WHRN: variants seen among roughly 807,000 people sequenced by gnomAD.
WHRN encodes the protein CASK-interacting protein CIP98.
A neutral mutation model predicts 68.3 loss-of-function variants in WHRN; 41 were observed. The observed-to-expected ratio is 0.60, with a 90% CI of 0.47 to 0.78. The LOEUF is 0.78. Among genes scored for constraint, WHRN ranks in the 30% least tolerant of loss-of-function variants. The probability of loss-of-function intolerance (pLI) is 0.00; values close to 1 mark genes in which losing one functional copy is unlikely to be tolerated. For synonymous variants in WHRN, 560 were observed against 561.3 expected (o/e 1.00, Z 0.03); for missense variants, 1,243 against 1,244.7 (o/e 1.00, Z 0.02).
chr9:114,486,884 TAGTGTGTGTGTGTG>T (rs1323354274), intron 1 of WHRN, among the ~76,000 whole-genome samples: 2 of 94,140 alleles, frequency 2.1e-5, no homozygotes, highest in Non-Finnish European at 4.1e-5. Flanking sequence ...ATGATTAAAT[TAGTGTGTGTGTGTG>T]TGTGTGTAGA....
intron 1 of WHRN, among the ~76,000 whole-genome samples, chr9:114,493,559 GTGC>G (rs1217265509): frequency 6.6e-6 from 1 of 152,102 alleles, no homozygotes; most frequent in Non-Finnish European, 1.5e-5. Flanking sequence ...TCCTTGAAGT[GTGC>G]TGATCAGGCA....
intron 3 of WHRN, among the ~76,000 whole-genome samples, chr9:114,445,785 C>T (rs1253972914): frequency 6.6e-6 from 1 of 152,172 alleles, no homozygotes; most frequent in Admixed American, 6.5e-5. Flanking sequence ...CTGAAGCCTG[C>T]TGGCATAGAT....
At chr9:114,412,343 A>G (rs1274079362) in intron 7 of WHRN, among the ~76,000 whole-genome samples, 7 of 152,052 alleles carry the variant, frequency 4.6e-5, no homozygotes, top group Non-Finnish European at 8.8e-5. Flanking sequence ...GTTCACTTTC[A>G]CCACCACCCA....
At chr9:114,419,561 C>G (rs938873764) in intron 7 of WHRN, among the ~76,000 whole-genome samples, 1 of 152,186 alleles carries the variant, frequency 6.6e-6, no homozygotes, top group Non-Finnish European at 1.5e-5. Context: ...CAAGAGGAGC[C>G]GTGGCCTGAA....
In WHRN at chr9:114,406,664, G is replaced by A. The variant is rs1835055155; in HGVS notation, c.1927C>T (p.Gln643Ter). 1 of 1,613,828 alleles carries A rather than the reference G, an allele frequency of 6.2e-7. No individual in the cohort carries two copies. The highest frequency in any genetic ancestry group is 1.3e-5 in the African/African-American group (1 of 74,952). Residue 643 changes from glutamine to a stop codon, truncating the protein, a stop_gained, in exon 9 of 12, where the codon CAG (glutamine) becomes TAG (stop). Transcript: ENST00000362057. LOFTEE classifies it high-confidence loss of function. Reference sequence around the variant, plus strand: ...TAGATGGGGGAAGAGGGCAAGTCCTGTGCAGAGGAGGTCCCTGGGGTGGGT... The same window carrying A: ...TAGATGGGGGAAGAGGGCAAGTCCTATGCAGAGGAGGTCCCTGGGGTGGGT... ...TAPTPGTSSAQDLPSSPIYAS... is the reference protein window; with the variant it reads ...TAPTPGTSSA
chr9:114,462,003 C>A (rs1260890528), intron 3 of WHRN, among the ~76,000 whole-genome samples: 1 of 152,194 alleles, frequency 6.6e-6, no homozygotes, highest in Non-Finnish European at 1.5e-5. Flanking sequence ...AGAGGAAAAG[C>A]AAGGGAGAGC....
intron 7 of WHRN, among the ~76,000 whole-genome samples, 162 bp downstream of exon 7, chr9:114,423,152 C>T (rs1589103415): frequency 6.6e-6 from 1 of 152,172 alleles, no homozygotes; most frequent in Non-Finnish European, 1.5e-5. Context: ...CATTCAACAA[C>T]TATTAGGTTT....
At chr9:114,462,972 T>G (rs1840369534) in intron 3 of WHRN, among the ~76,000 whole-genome samples, 1 of 152,184 alleles carries the variant, frequency 6.6e-6, no homozygotes. Context: ...CCTAATGTGT[T>G]GTCTCTCTGG....
At chr9:114,465,780 ACCCTACC>A (rs1247123348) in intron 3 of WHRN, among the ~76,000 whole-genome samples, 1 of 152,086 alleles carries the variant, frequency 6.6e-6, no homozygotes, top group African/African-American at 2.4e-5. Flanking sequence ...GGGTAGTAAT[ACCCTACC>A]CCTCAGGGTC....
intron 3 of WHRN, among the ~76,000 whole-genome samples, chr9:114,462,951 G>T (rs7852788): frequency 0.75 from 113,311 of 152,062 alleles, 42,403 homozygotes; most frequent in East Asian, 0.97. Context: ...CTCAGTGCTC[G>T]CAGGCCAAGA....
At chr9:114,405,946 G>A (rs556231040) in intron 9 of WHRN, among the ~76,000 whole-genome samples, 30 of 152,348 alleles carry the variant, frequency 2.0e-4, no homozygotes, top group African/African-American at 6.7e-4. Flanking sequence ...GGGGTCCAGA[G>A]ACTGCCACTT....
At chr9:114,425,807 T>G (rs1836797215) in intron 4 of WHRN, 1 of 305,704 alleles carries the variant, frequency 3.3e-6, no homozygotes, top group South Asian at 3.4e-5. Flanking sequence ...CACCCAGATT[T>G]CTTCATGGGA....
chr9:114,476,859 G>A (rs1023077015), intron 2 of WHRN, among the ~76,000 whole-genome samples: 2 of 152,168 alleles, frequency 1.3e-5, no homozygotes, highest in African/African-American at 4.8e-5. Flanking sequence ...TGAGCACAGG[G>A]CTGGGCACAC....
At position 114,402,721 on chromosome 9, in the gene WHRN, G is replaced by A. The variant is rs767274762; in HGVS notation, c.*33C>T. The A allele has an allele frequency of 1.7e-5, 28 of 1,612,614 alleles. No homozygotes were observed. Among genetic ancestry groups the A allele is most frequent in the Admixed American group, 3.3e-5 (2 of 60,010 alleles). On this transcript the variant is annotated 3_prime_UTR_variant, in exon 12 of 12. Transcript: ENST00000362057. ...TGGAAAGGGACTGGGACCAGGGGCT[G>A]GGCAGTGGTGGGAGGCCCTCAGGCC...
chr9:114,429,524 C>A (rs2132447866), intron 3 of WHRN, among the ~76,000 whole-genome samples: 1 of 152,362 alleles, frequency 6.6e-6, no homozygotes, highest in Non-Finnish European at 1.5e-5. Context: ...CATGCTTTCA[C>A]CATGCCCCCA....
At chr9:114,478,394 A>G in intron 2 of WHRN, 159 bp downstream of exon 2, 1 of 801,630 alleles carries the variant, frequency 1.2e-6, no homozygotes, top group East Asian at 2.6e-5. Flanking sequence ...CAAAAAGAAA[A>G]GCAAAGAAAA....
intron 3 of WHRN, among the ~76,000 whole-genome samples, chr9:114,445,041 T>C (rs1403677079): frequency 6.6e-6 from 1 of 151,142 alleles, no homozygotes; most frequent in African/African-American, 2.4e-5. Flanking sequence ...TTTAATGTTA[T>C]TATTATTATT....
At chr9:114,405,759 C>G (rs1300802686) in intron 9 of WHRN, among the ~76,000 whole-genome samples, 1 of 152,242 alleles carries the variant, frequency 6.6e-6, no homozygotes, top group Non-Finnish European at 1.5e-5. Context: ...AAGATGGCAG[C>G]AGAATCCAAC....
intron 1 of WHRN, among the ~76,000 whole-genome samples, chr9:114,498,833 C>T (rs571733723): frequency 6.6e-6 from 1 of 152,232 alleles, no homozygotes; most frequent in South Asian, 2.1e-4. Context: ...TCTCCTTGAG[C>T]ATGACCCTCC....
Sources: allele counts gnomAD v4.1 joint callset (sites outside exome capture counted in the v4.1 genomes callset), GRCh38; gene constraint gnomAD v4.1.1; transcripts MANE v1.5; gene names NCBI Gene and HGNC (gene_info 2026-07-23, HGNC 2026-07-21).